Variants in NFIB observed in about 807,000 individuals in gnomAD.
NFIB encodes the protein nuclear factor 1 B-type.
In NFIB, 11 loss-of-function variants were observed where a neutral mutation model predicts 61.5. That is an observed-to-expected ratio of 0.18 (90% CI 0.11 to 0.30). The LOEUF (loss-of-function observed/expected upper bound fraction) is 0.30. NFIB is among the 10% of genes least tolerant of loss of function. The pLI, the probability that NFIB is intolerant of heterozygous loss-of-function variation, is 1.00. For missense variants in NFIB, 471 were observed against 608.9 expected (o/e 0.77, Z 2.38); for synonymous variants, 260 against 216.5 (o/e 1.20, Z -1.76).
chr9:14,213,664 G>T (rs946425585), intron 2 of NFIB, among the ~76,000 whole-genome samples: 1 of 152,130 alleles, frequency 6.6e-6, no homozygotes, highest in Middle Eastern at 3.2e-3. Context: ...GCCTTCAGTG[G>T]TTTCCCCATA....
At position 14,284,641 on chromosome 9, in the gene NFIB, A is replaced by C. The variant is rs189060352; in HGVS notation, c.562+22348T>G. ...TTTGTTCATCTATTTCCTTCAGAAA[A>C]CTTTCATAACAGAAAGAGCCCAGAG... is the stretch of plus-strand genomic sequence containing the variant. On this transcript the variant is annotated intron_variant, in intron 2 of 10. Coordinates refer to ENST00000380953, the MANE Select transcript of NFIB (RefSeq NM_001190737.2). Among the ~76,000 whole-genome samples, 601 of 152,320 alleles carry C rather than the reference A, an allele frequency of 3.9e-3. 7 individuals carry two copies. The highest frequency in any genetic ancestry group is 0.014 in the African/African-American group (572 of 41,570).
At chr9:14,183,574 T>G (rs1396401687) in intron 2 of NFIB, among the ~76,000 whole-genome samples, 1 of 151,978 alleles carries the variant, frequency 6.6e-6, no homozygotes, top group Non-Finnish European at 1.5e-5. Flanking sequence ...CAGCTAGTTT[T>G]TGTATTTTTT....
chr9:14,275,281 A>G (rs796630531), intron 2 of NFIB, among the ~76,000 whole-genome samples: 2 of 152,306 alleles, frequency 1.3e-5, no homozygotes, highest in African/African-American at 4.8e-5. Flanking sequence ...TTAGAGTTCA[A>G]TATCTTTGTG....
rs1045213921 is a variant in NFIB at position 14,313,828 on chromosome 9, G to A, written c.-317C>T. The stretch of plus-strand genomic sequence containing the variant: ...GTTGGCTGCTTTTCGCCTGGGTTTG[G>A]GGATTTGTTTTCTATTTTGCAGTTG... On this transcript the variant is annotated 5_prime_UTR_variant, in exon 1 of 11. Coordinates refer to ENST00000380953, the MANE Select transcript of NFIB (RefSeq NM_001190737.2). The surrounding 1 kb of genome is among the most constrained non-coding windows in gnomAD (Gnocchi z 4.5). The A allele has an allele frequency of 7.7e-7, 1 of 1,292,742 alleles. No individual in the cohort carries two copies. The highest frequency in any genetic ancestry group is 1.5e-5 in the African/African-American group (1 of 66,270). The allele number at this position is 1,292,742 out of a possible 1,614,324, so 80.1% of individuals were successfully genotyped here. A position where few individuals can be genotyped will look rare whatever the true frequency, so the allele number is the denominator to read the frequency against.
At chr9:14,347,087 C>G (rs2061033794) in intron 1 of NFIB, among the ~76,000 whole-genome samples, 1 of 151,744 alleles carries the variant, frequency 6.6e-6, no homozygotes, top group Non-Finnish European at 1.5e-5. Context: ...GGGTGCGTCT[C>G]CTGAGCTCCA....
chr9:14,358,031 T>C (rs1310247385), intron 1 of NFIB: 5 of 152,176 alleles, frequency 3.3e-5, no homozygotes, highest in Non-Finnish European at 4.4e-5. Flanking sequence ...GGTGCAGAGT[T>C]TCTTTTTAGG....
chr9:14,468,456 G>A, the NFIB span, among the ~76,000 whole-genome samples: 1 of 152,172 alleles, frequency 6.6e-6, no homozygotes, highest in Non-Finnish European at 1.5e-5. Context: ...GAATAGAGAT[G>A]CATTCTTTGT....
intron 1 of NFIB, among the ~76,000 whole-genome samples, chr9:14,319,749 A>G (rs188273124): frequency 6.3e-4 from 96 of 152,360 alleles, no homozygotes; most frequent in Non-Finnish European, 1.1e-3. Context: ...TGGCAGAGCA[A>G]CTCAAACTTT....
the NFIB span, among the ~76,000 whole-genome samples, chr9:14,518,185 A>C: frequency 2.2e-4 from 34 of 152,364 alleles, no homozygotes; most frequent in Middle Eastern, 3.4e-3. Context: ...AGACATTCGC[A>C]ACAAGGTCAT....
intron 1 of NFIB, among the ~76,000 whole-genome samples, chr9:14,381,908 C>T (rs971614273): frequency 6.6e-6 from 1 of 152,244 alleles, no homozygotes; most frequent in Admixed American, 6.5e-5. Context: ...ATTCAAGTCC[C>T]TTACAGAGGG....
At chr9:14,231,119 G>GAAAAA (rs1563926086) in intron 2 of NFIB, among the ~76,000 whole-genome samples, 2 of 35,420 alleles carry the variant, frequency 5.6e-5, no homozygotes, top group Non-Finnish European at 1.3e-4. Flanking sequence ...TTTTCCATGG[G>GAAAAA]GAAAAAAAAA....
chr9:14,484,082 A>C, the NFIB span, among the ~76,000 whole-genome samples: 1 of 152,332 alleles, frequency 6.6e-6, no homozygotes, highest in Non-Finnish European at 1.5e-5. Context: ...GATGTTACCT[A>C]CTTTATTACC....
At chr9:14,524,012 C>T in the NFIB span, among the ~76,000 whole-genome samples, 1 of 152,270 alleles carries the variant, frequency 6.6e-6, no homozygotes, top group East Asian at 1.9e-4. Flanking sequence ...GATTTGAGTT[C>T]ATTACCATTG....
chr9:14,454,799 C>G, the NFIB span, among the ~76,000 whole-genome samples: 3 of 152,124 alleles, frequency 2.0e-5, no homozygotes, highest in Admixed American at 2.0e-4. Context: ...TTGCTTTGAC[C>G]AATAAAATAT....
intron 2 of NFIB, among the ~76,000 whole-genome samples, chr9:14,262,627 A>G (rs1315427181): frequency 1.3e-5 from 2 of 152,058 alleles, no homozygotes; most frequent in African/African-American, 2.4e-5. Flanking sequence ...ATGCTGGCTT[A>G]TAACGGCTAG....
chr9:14,226,753 G>A (rs2131885834), intron 2 of NFIB, among the ~76,000 whole-genome samples: 2 of 152,182 alleles, frequency 1.3e-5, no homozygotes, highest in African/African-American at 4.8e-5. Flanking sequence ...TCTTTTCGAT[G>A]GACTAATAAT....
chr9:14,525,605 T>C, the NFIB span, among the ~76,000 whole-genome samples: 1 of 152,156 alleles, frequency 6.6e-6, no homozygotes, highest in Non-Finnish European at 1.5e-5. Flanking sequence ...ATCATGGTAT[T>C]TAATGATGAA....
intron 1 of NFIB, among the ~76,000 whole-genome samples, chr9:14,339,595 T>C (rs973740599): frequency 5.3e-5 from 8 of 152,284 alleles, no homozygotes; most frequent in African/African-American, 1.7e-4. Flanking sequence ...GCAAATATCA[T>C]TAGCTATTGT....
the NFIB span, among the ~76,000 whole-genome samples, chr9:14,442,558 C>T: frequency 6.6e-6 from 1 of 152,140 alleles, no homozygotes; most frequent in Non-Finnish European, 1.5e-5. Flanking sequence ...CTTCTGAGGG[C>T]TGGGAGGGAA....
Sources: allele counts gnomAD v4.1 joint callset (sites outside exome capture counted in the v4.1 genomes callset), GRCh38; gene constraint gnomAD v4.1.1; non-coding constraint Gnocchi (gnomAD v3.1); transcripts MANE v1.5; gene names NCBI Gene and HGNC (gene_info 2026-07-23, HGNC 2026-07-21).